Variants in OPCML observed in about 807,000 individuals in gnomAD.
OPCML encodes the protein opioid-binding protein/cell adhesion molecule.
OPCML carries 13 observed loss-of-function variants against 37.8 expected under a neutral mutation model. That is an observed-to-expected ratio of 0.34 (90% CI 0.22 to 0.55). The LOEUF is 0.55. Among genes scored for constraint, OPCML ranks in the 20% least tolerant of loss-of-function variants. The probability of loss-of-function intolerance (pLI) is 0.91; values close to 1 mark genes in which losing one functional copy is unlikely to be tolerated. For synonymous variants in OPCML, 176 were observed against 168.8 expected (o/e 1.04, Z -0.33); for missense variants, 341 against 435.6 (o/e 0.78, Z 1.93).
Position 132,665,302 on chromosome 11 carries a change from T to C in OPCML, c.147-7983A>G, listed in dbSNP as rs1170745378. Among the ~76,000 whole-genome samples the C allele has an allele frequency of 2.6e-5, 4 of 152,196 alleles. No individual in the cohort carries two copies. In the East Asian group the frequency reaches 7.7e-4, roughly 29 times the overall value. ...CTGCACTTTCAGCCATGTCTGATGA[T>C]AGATGAGTCCACCAGAAATTGCTCA... is the stretch of plus-strand genomic sequence containing the variant. On this transcript the variant is annotated intron_variant, in intron 2 of 7. Coordinates refer to ENST00000524381, the MANE Select transcript of OPCML (RefSeq NM_001012393.5).
chr11:133,220,313 T>A (rs553421114), intron 1 of OPCML, among the ~76,000 whole-genome samples: 1 of 152,296 alleles, frequency 6.6e-6, no homozygotes, highest in South Asian at 2.1e-4. Context: ...GAAACATTAG[T>A]CAGCAGGAGC....
At chr11:133,352,062 A>G (rs554902077) in intron 1 of OPCML, among the ~76,000 whole-genome samples, 1 of 152,118 alleles carries the variant, frequency 6.6e-6, no homozygotes, top group East Asian at 1.9e-4. Context: ...TTACTTTCCT[A>G]TTTATGCTCC....
At chr11:133,139,620 G>A (rs1949738720) in intron 1 of OPCML, among the ~76,000 whole-genome samples, 1 of 152,182 alleles carries the variant, frequency 6.6e-6, no homozygotes, top group African/African-American at 2.4e-5. Context: ...GAAGAAATGA[G>A]GCAGATTGGA....
intron 1 of OPCML, among the ~76,000 whole-genome samples, chr11:133,446,480 G>T (rs1299934088): frequency 6.6e-6 from 1 of 152,018 alleles, no homozygotes; most frequent in Non-Finnish European, 1.5e-5. Flanking sequence ...GCTGTAGTGT[G>T]GTGGTGTAGT....
intron 1 of OPCML, among the ~76,000 whole-genome samples, chr11:133,289,600 A>T: frequency 6.6e-6 from 1 of 151,356 alleles, no homozygotes; most frequent in Non-Finnish European, 1.5e-5. Flanking sequence ...ATCTCAAAAA[A>T]AAAAAAAAAA....
chr11:133,489,450 C>T (rs1241343296), intron 1 of OPCML, among the ~76,000 whole-genome samples: 2 of 152,054 alleles, frequency 1.3e-5, no homozygotes, highest in Admixed American at 6.6e-5. Flanking sequence ...CAAAGGAAGA[C>T]GTATAAATGG....
chr11:133,514,869 C>G (rs1366250326), intron 1 of OPCML, among the ~76,000 whole-genome samples: 1 of 152,140 alleles, frequency 6.6e-6, no homozygotes, highest in Non-Finnish European at 1.5e-5. Context: ...AACCATTTGC[C>G]TGGTAAAAAT....
At position 133,296,182 on chromosome 11, in the gene OPCML, G is replaced by A. The variant is rs537038479; in HGVS notation, c.61+236082C>T. ...AAGGACATGTCCTCTGCCTGAATCC[G>A]AGTGAAAAATTTCCTTTAGCCACAT... On this transcript the variant is annotated intron_variant, in intron 1 of 7. Coordinates refer to ENST00000524381, the MANE Select transcript of OPCML (RefSeq NM_001012393.5). Among the ~76,000 whole-genome samples the A allele has an allele frequency of 9.8e-5, 15 of 152,294 alleles. No individual in the cohort carries two copies. The South Asian group carries it at 2.7e-3, about 27-fold the overall frequency.
At position 132,436,361 on chromosome 11, in the gene OPCML, G is replaced by C. The variant is rs961682695; in HGVS notation, c.765-124C>G. 5.1e-6 allele frequency: 8 copies of C among 1,567,760 alleles called. No homozygotes were observed. The African/African-American group carries it at 1.1e-4, about 22-fold the overall frequency. On this transcript the variant is annotated intron_variant, in intron 6 of 7. Transcript: ENST00000524381. ...CCCTAAGCACTTCAGTGTCCAACAG[G>C]AGGAGAAGGGAAATGATGCTCTTGC... is the stretch of plus-strand genomic sequence containing the variant.
chr11:133,117,211 C>T (rs114390911), intron 1 of OPCML, among the ~76,000 whole-genome samples: 203 of 152,262 alleles, frequency 1.3e-3, no homozygotes, highest in African/African-American at 4.8e-3. Context: ...GTGAGCACTT[C>T]TTTATTTTGT....
At chr11:133,270,332 T>C (rs191377116) in intron 1 of OPCML, among the ~76,000 whole-genome samples, 29 of 152,172 alleles carry the variant, frequency 1.9e-4, no homozygotes, top group African/African-American at 5.1e-4. Context: ...ATTATTCTGC[T>C]AGGGAGCTTT....
intron 1 of OPCML, among the ~76,000 whole-genome samples, chr11:133,033,142 C>A (rs1212782782): frequency 1.3e-5 from 2 of 152,072 alleles, no homozygotes; most frequent in East Asian, 1.9e-4. Context: ...CTTTTAAATT[C>A]TATTTCTCCA....
At chr11:133,416,688 C>A (rs1200290607) in intron 1 of OPCML, among the ~76,000 whole-genome samples, 1 of 152,220 alleles carries the variant, frequency 6.6e-6, no homozygotes, top group Non-Finnish European at 1.5e-5. Context: ...TGATCACCCA[C>A]TGTAGTAGAA....
At chr11:132,529,031 C>T in intron 4 of OPCML, 30 bp downstream of exon 4, 2 of 1,456,664 alleles carry the variant, frequency 1.4e-6, no homozygotes, top group African/African-American at 2.8e-5. Context: ...CATACTACCT[C>T]TGAAAACGTC....
chr11:132,618,605 G>C (rs989830419), intron 3 of OPCML, among the ~76,000 whole-genome samples: 7 of 152,026 alleles, frequency 4.6e-5, no homozygotes, highest in African/African-American at 1.7e-4. Flanking sequence ...CACACTGAAC[G>C]GATTTACCAC....
intron 2 of OPCML, among the ~76,000 whole-genome samples, chr11:132,789,372 A>G (rs755075734): frequency 1.3e-5 from 2 of 152,252 alleles, no homozygotes; most frequent in African/African-American, 4.8e-5. Context: ...AACAGAAAGC[A>G]GAAAAATAGA....
intron 2 of OPCML, among the ~76,000 whole-genome samples, chr11:132,889,320 G>T (rs1020089606): frequency 1.3e-5 from 2 of 152,182 alleles, no homozygotes; most frequent in Non-Finnish European, 2.9e-5. Context: ...GTTGCTTTCT[G>T]TTCAAATGTC....
chr11:133,036,947 G>A (rs1305395675), intron 1 of OPCML, among the ~76,000 whole-genome samples: 1 of 152,072 alleles, frequency 6.6e-6, no homozygotes, highest in Admixed American at 6.6e-5. Flanking sequence ...CCTCTGTGAT[G>A]CTCTGCAGGA....
chr11:133,041,108 C>T (rs770059915), intron 1 of OPCML, among the ~76,000 whole-genome samples: 25 of 152,168 alleles, frequency 1.6e-4, no homozygotes, highest in Non-Finnish European at 2.4e-4. Context: ...AATCCCCAAG[C>T]ATTTTTTAGC....
Sources: allele counts gnomAD v4.1 joint callset (sites outside exome capture counted in the v4.1 genomes callset), GRCh38; gene constraint gnomAD v4.1.1; transcripts MANE v1.5; gene names NCBI Gene and HGNC (gene_info 2026-07-23, HGNC 2026-07-21).